B3GALT1: variants seen among roughly 807,000 people sequenced by gnomAD.
B3GALT1 encodes the protein beta-1,3-galactosyltransferase 1, also known as UDP-Gal:betaGlcNAc beta 1,3-galactosyltransferase, polypeptide 1.
A neutral mutation model predicts 23.2 loss-of-function variants in B3GALT1; 10 were observed. That is an observed-to-expected ratio of 0.43 (90% confidence interval 0.27 to 0.73). B3GALT1 has a LOEUF of 0.73. Among genes scored for constraint, B3GALT1 ranks in the 30% least tolerant of loss-of-function variants. B3GALT1 has a pLI of 0.21. For missense variants in B3GALT1, 299 were observed against 405.4 expected, an observed-to-expected ratio of 0.74 and a Z score of 2.25; for synonymous variants, 156 against 141.5, an observed-to-expected ratio of 1.10 and a Z score of -0.73.
chr2:167,789,077 C>A (rs1558979514), intron 3 of B3GALT1, among the ~76,000 whole-genome samples: 1 of 152,158 alleles, frequency 6.6e-6, no homozygotes, highest in Non-Finnish European at 1.5e-5. Flanking sequence ...CTAAAGACTT[C>A]CCTGACATTT....
At chr2:167,795,190 A>G (rs974129338) in intron 3 of B3GALT1, among the ~76,000 whole-genome samples, 3 of 152,258 alleles carry the variant, frequency 2.0e-5, no homozygotes, top group African/African-American at 4.8e-5. Context: ...GAAAACTATC[A>G]TTTATACTTT....
intron 3 of B3GALT1, among the ~76,000 whole-genome samples, chr2:167,662,954 T>C (rs1438624707): frequency 1.3e-5 from 2 of 152,080 alleles, no homozygotes; most frequent in Admixed American, 1.3e-4. Context: ...TATTGTATTT[T>C]CTTTTTTTAT....
chr2:167,792,289 C>G (rs1199088392), intron 3 of B3GALT1, among the ~76,000 whole-genome samples: 1 of 152,180 alleles, frequency 6.6e-6, no homozygotes. Flanking sequence ...TTGTTAAGCA[C>G]CTACTGTGAG....
intron 3 of B3GALT1, among the ~76,000 whole-genome samples, chr2:167,713,346 A>C (rs1218378116): frequency 5.3e-5 from 8 of 152,180 alleles, no homozygotes; most frequent in Admixed American, 3.9e-4. Context: ...TAATTGTTTT[A>C]ATTAATTATT....
At chr2:167,579,448 C>CTTTTTTTTTTTTTTTTTTTTT (rs1558913471) in intron 2 of B3GALT1, among the ~76,000 whole-genome samples, 3 of 113,328 alleles carry the variant, frequency 2.6e-5, no homozygotes, top group African/African-American at 6.4e-5. Flanking sequence ...TTTTTTTTTT[C>CTTTTTTTTTTTTTTTTTTTTT]CATTTAAATT....
rs138902437 is a variant in B3GALT1 at position 167,797,575 on chromosome 2, A to G, written c.-351-21097A>G. Among the ~76,000 whole-genome samples the G allele has an allele frequency of 3.5e-3, 533 of 152,306 alleles. 6 individuals are homozygous for G. Among genetic ancestry groups the G allele is most frequent in the African/African-American group, 0.012 (499 of 41,562 alleles). ...CCACACTGTCTTCCACAGTGGTTGA[A>G]CTGATTTACACTCCCACCAACAGTG... is the stretch of plus-strand genomic sequence containing the variant. On this transcript the variant is annotated intron_variant, in intron 3 of 4. Transcript: ENST00000392690.
At chr2:167,331,490 A>T (rs905818967) in intron 1 of B3GALT1, among the ~76,000 whole-genome samples, 39 of 152,106 alleles carry the variant, frequency 2.6e-4, no homozygotes, top group African/African-American at 9.2e-4. Context: ...AGTGTATGTG[A>T]TGGGTTGTAC....
chr2:167,717,037 T>G (rs1373084777), intron 3 of B3GALT1, among the ~76,000 whole-genome samples: 1 of 152,166 alleles, frequency 6.6e-6, no homozygotes, highest in Non-Finnish European at 1.5e-5. Context: ...GATTTTTGCT[T>G]GAAACATCAA....
chr2:167,569,452 G>A (rs1219074026), intron 2 of B3GALT1, among the ~76,000 whole-genome samples: 2 of 151,458 alleles, frequency 1.3e-5, no homozygotes, highest in Non-Finnish European at 3.0e-5. Flanking sequence ...ATTTTTGGTG[G>A]TGCTAATTTA....
intron 3 of B3GALT1, among the ~76,000 whole-genome samples, chr2:167,705,746 G>A (rs377374310): frequency 2.2e-4 from 34 of 152,242 alleles, no homozygotes; most frequent in East Asian, 5.8e-4. Context: ...AGAAACTGAG[G>A]ACATAAAAGT....
At chr2:167,701,008 C>T (rs1416852113) in intron 3 of B3GALT1, among the ~76,000 whole-genome samples, 1 of 152,164 alleles carries the variant, frequency 6.6e-6, no homozygotes, top group Non-Finnish European at 1.5e-5. Flanking sequence ...TTACCATGTA[C>T]CGTGGATTGT....
intron 2 of B3GALT1, among the ~76,000 whole-genome samples, chr2:167,632,405 C>T (rs1040820903): frequency 6.6e-6 from 1 of 152,104 alleles, no homozygotes; most frequent in African/African-American, 2.4e-5. Flanking sequence ...ATTTACACTC[C>T]CACCAACATT....
intron 2 of B3GALT1, among the ~76,000 whole-genome samples, chr2:167,516,178 C>A (rs1700097701): frequency 6.6e-6 from 1 of 152,022 alleles, no homozygotes; most frequent in South Asian, 2.1e-4. Flanking sequence ...CAAATTTCAA[C>A]ATAATTTTTT....
At chr2:167,829,091 G>A (rs1042212746) in intron 4 of B3GALT1, among the ~76,000 whole-genome samples, 10 of 152,130 alleles carry the variant, frequency 6.6e-5, no homozygotes, top group Non-Finnish European at 1.3e-4. Flanking sequence ...TGAGTTACTC[G>A]GGTCTTAAAA....
intron 4 of B3GALT1, among the ~76,000 whole-genome samples, chr2:167,836,143 G>A (rs567479382): frequency 7.9e-5 from 12 of 152,300 alleles, no homozygotes; most frequent in African/African-American, 1.4e-4. Context: ...CCAAAGTATC[G>A]CAGTTCCTCA....
intron 1 of B3GALT1, among the ~76,000 whole-genome samples, chr2:167,395,848 A>G (rs1698085864): frequency 2.0e-5 from 3 of 152,278 alleles, no homozygotes; most frequent in Admixed American, 2.0e-4. Flanking sequence ...GAGATGAAGT[A>G]AAGGTGAGGA....
At chr2:167,496,757 C>T (rs1044027696) in intron 2 of B3GALT1, among the ~76,000 whole-genome samples, 5 of 152,134 alleles carry the variant, frequency 3.3e-5, no homozygotes, top group African/African-American at 4.8e-5. Context: ...GTAGAACCCT[C>T]AGGAATGGTA....
intron 4 of B3GALT1, among the ~76,000 whole-genome samples, chr2:167,845,718 A>C (rs1214954801): frequency 6.6e-6 from 1 of 150,572 alleles, no homozygotes; most frequent in Non-Finnish European, 1.5e-5. Flanking sequence ...ACCCCCCCGC[A>C]ACAACAAAAT....
intron 2 of B3GALT1, among the ~76,000 whole-genome samples, chr2:167,563,464 C>T (rs1287261954): frequency 8.3e-6 from 1 of 120,174 alleles, no homozygotes; most frequent in Non-Finnish European, 1.7e-5. Flanking sequence ...AGAGGAGCTC[C>T]TCACTTCCCA....
Sources: gnomAD v4.1 joint callset for allele counts (sites outside exome capture counted in the v4.1 genomes callset) on GRCh38, gnomAD v4.1.1 for gene constraint, MANE v1.5 for transcripts, NCBI Gene and HGNC (gene_info 2026-07-23, HGNC 2026-07-21) for gene names.